ADH1B: variants seen among roughly 807,000 people sequenced by gnomAD.
ADH1B encodes the protein alcohol dehydrogenase 1B (class I), beta polypeptide.
ADH1B carries 29 observed loss-of-function variants against 34.6 expected under a neutral mutation model. The observed-to-expected ratio is 0.84, with a 90% CI of 0.62 to 1.14. ADH1B has a LOEUF of 1.14. Ranked by LOEUF, ADH1B falls within the 50% of genes most tolerant of loss-of-function variation. ADH1B has a pLI of 0.00. For synonymous variants in ADH1B, 170 were observed against 175.5 expected, an observed-to-expected ratio of 0.97 and a Z score of 0.25; for missense variants, 424 against 468.4, an observed-to-expected ratio of 0.91 and a Z score of 0.87.
chr4:99,313,983 C>A lies in ADH1B; in HGVS notation c.666G>T (p.Ala222=), dbSNP rs2018417. ...CKAAGAARII[A]VDINKDKFAK... ...CAAATTTGTCCTTGTTGATGTCCAC[C>A]GCAATGATTCTGGCTGCTCCAGCTG... Residue 222 remains alanine (A), a synonymous_variant, in exon 6 of 9, where the codon GCG becomes GCT. Transcript: ENST00000305046. The A allele has an allele frequency of 0.031, 50,064 of 1,613,964 alleles. 908 individuals carry two copies. Among genetic ancestry groups the A allele is most frequent in the African/African-American group, 0.035 (2,631 of 75,012 alleles).
intron 7 of ADH1B, 129 bp downstream of exon 7, chr4:99,311,392 T>A: frequency 1.7e-6 from 2 of 1,187,324 alleles, no homozygotes; most frequent in Non-Finnish European, 2.3e-6. Context: ...GGAATTTAAA[T>A]TTATTTTTGA....
At chr4:99,314,155 T>C (rs900197737) in intron 5 of ADH1B, 74 bp from the exon 6 acceptor site, 103 of 1,565,264 alleles carry the variant, frequency 6.6e-5, no homozygotes, top group Non-Finnish European at 8.6e-5. Context: ...TAAAGTGCCA[T>C]GCGTAGGTGT....
rs564460180 is a variant in ADH1B at position 99,311,123 on chromosome 4, T to C, written c.965-220A>G. ...GTTCTTAGTTATTTTGTCTCTCCCA[T>C]AGAAATAATAGTACAGAAGTTTATG... On this transcript the variant is annotated intron_variant, in intron 7 of 8. Coordinates refer to ENST00000305046, the MANE Select transcript of ADH1B (RefSeq NM_000668.6). 1.4e-4 allele frequency among the ~76,000 whole-genome samples: 22 copies of C among 152,300 alleles called. No homozygotes were observed. In the South Asian group the frequency reaches 4.6e-3, roughly 32 times the overall value.
intron 6 of ADH1B, 43 bp downstream of exon 6, chr4:99,313,778 A>G: frequency 1.2e-6 from 2 of 1,613,992 alleles, no homozygotes; most frequent in African/African-American, 1.3e-5. Context: ...TGCATCTTCC[A>G]GGTTGCAGAG....
intron 2 of ADH1B, 86 bp from the exon 3 acceptor site, chr4:99,318,270 C>T (rs913094099): frequency 1.3e-6 from 2 of 1,558,276 alleles, no homozygotes; most frequent in Admixed American, 3.6e-5. Flanking sequence ...AATTGTGTTT[C>T]TAAAATGTAT....
chr4:99,321,276 G>A (rs756623541), intron 1 of ADH1B, 38 bp downstream of exon 1: 224 of 1,554,058 alleles, frequency 1.4e-4, no homozygotes, highest in Non-Finnish European at 1.9e-4. Flanking sequence ...TTATATTGAT[G>A]AGAATATATT....
At chr4:99,311,845 G>T (rs1414567298) in intron 6 of ADH1B, among the ~76,000 whole-genome samples, 189 bp from the exon 7 acceptor site, 2 of 152,168 alleles carry the variant, frequency 1.3e-5, no homozygotes, top group East Asian at 1.9e-4. Context: ...CCAGAAAATG[G>T]TTTTTTAATG....
rs553809484 is a variant in ADH1B, at chr4:99,306,943, C to T, written c.*897G>A. ...TTACCAATTTTACATTCTGCATTCA[C>T]AGCATTTGCCATCCCATCTCTACAC... is the stretch of plus-strand genomic sequence containing the variant. On this transcript the variant is annotated 3_prime_UTR_variant, in exon 9 of 9. Coordinates refer to ENST00000305046, the MANE Select transcript of ADH1B (RefSeq NM_000668.6). 1 of 152,112 alleles carries T rather than the reference C, an allele frequency of 6.6e-6. No homozygotes were observed. Among genetic ancestry groups the T allele is most frequent in the Non-Finnish European group, 1.5e-5 (1 of 68,022 alleles). The allele number at this position is 152,112 out of a possible 1,614,324, so 9.4% of individuals were successfully genotyped here. A position where few individuals can be genotyped will look rare whatever the true frequency, so the allele number is the denominator to read the frequency against.
intron 6 of ADH1B, 151 bp downstream of exon 6, chr4:99,313,669 CA>C: frequency 7.0e-7 from 1 of 1,428,624 alleles, no homozygotes; most frequent in Non-Finnish European, 9.5e-7. Context: ...TTTCTCATAA[CA>C]AAAATTAAAC....
intron 2 of ADH1B, 152 bp downstream of exon 2, chr4:99,318,633 A>G (rs1733947067): frequency 2.6e-6 from 2 of 756,232 alleles, no homozygotes; most frequent in East Asian, 2.8e-5. Flanking sequence ...TTTAAAATTT[A>G]TATTTATACC....
chr4:99,308,848 G>A (rs971905058), intron 8 of ADH1B, among the ~76,000 whole-genome samples: 1 of 151,966 alleles, frequency 6.6e-6, no homozygotes, highest in African/African-American at 2.4e-5. Context: ...CTAGAAATCT[G>A]TGCATGTTTT....
Position 99,316,196 on chromosome 4 carries a change from G to A in ADH1B, c.347+19C>T. Reference sequence around the variant, plus strand: ...TGTGCAAACTCAAAGTCTGTGCAAAGAGAGCATCAGAAACCTACTCATTTT... The same window carrying A: ...TGTGCAAACTCAAAGTCTGTGCAAAAAGAGCATCAGAAACCTACTCATTTT... On this transcript the variant is annotated intron_variant, in intron 4 of 8. Coordinates refer to ENST00000305046, the MANE Select transcript of ADH1B (RefSeq NM_000668.6). 1 of 1,614,092 alleles carries A rather than the reference G, an allele frequency of 6.2e-7. No individual in the cohort carries two copies. Among genetic ancestry groups the A allele is most frequent in the Non-Finnish European group, 8.5e-7 (1 of 1,179,924 alleles).
intron 8 of ADH1B, among the ~76,000 whole-genome samples, chr4:99,309,622 T>G (rs1579507956): frequency 6.6e-6 from 1 of 152,208 alleles, no homozygotes; most frequent in Admixed American, 6.5e-5. Context: ...TAACCTTTGA[T>G]GACTACTGTT....
rs1733626996 is a variant in ADH1B at position 99,307,044 on chromosome 4, A to G, written c.*796T>C. The G allele has an allele frequency of 6.6e-6, 1 of 152,206 alleles. No homozygotes were observed. Among genetic ancestry groups the G allele is most frequent in the Admixed American group, 6.5e-5 (1 of 15,282 alleles). 9.4% of individuals were successfully genotyped at this position (152,206 alleles called of 1,614,324 possible). On this transcript the variant is annotated 3_prime_UTR_variant, in exon 9 of 9. Coordinates refer to ENST00000305046, the MANE Select transcript of ADH1B (RefSeq NM_000668.6). ...ATCTAAATAATCATTTATAGCCACA[A>G]ACTAATACTGTTTAGTCAATGAAGC... is the stretch of plus-strand genomic sequence containing the variant.
At position 99,307,785 on chromosome 4, in the gene ADH1B, T is replaced by A; in HGVS notation, c.*55A>T. ...GATATTTCCTAGCTGTTGCTCCAGATCTTGTAGGGTAGAGGAGGCTGAAGA... is the reference window on the plus strand; with the variant it reads ...GATATTTCCTAGCTGTTGCTCCAGAACTTGTAGGGTAGAGGAGGCTGAAGA... On this transcript the variant is annotated 3_prime_UTR_variant, in exon 9 of 9. Coordinates refer to ENST00000305046, the MANE Select transcript of ADH1B (RefSeq NM_000668.6). 1 of 1,591,752 alleles carries A rather than the reference T, an allele frequency of 6.3e-7. No individual in the cohort carries two copies. Among genetic ancestry groups the A allele is most frequent in the Non-Finnish European group, 8.6e-7 (1 of 1,160,134 alleles).
chr4:99,319,025 G>C, intron 1 of ADH1B, 139 bp from the exon 2 acceptor site: 1 of 918,118 alleles, frequency 1.1e-6, no homozygotes, highest in Non-Finnish European at 1.8e-6. Context: ...GAAGTACTCT[G>C]GTTTATAAAG....
At chr4:99,316,408 C>A in intron 3 of ADH1B, 106 bp from the exon 4 acceptor site, 3 of 1,152,380 alleles carry the variant, frequency 2.6e-6, no homozygotes, top group Non-Finnish European at 2.5e-6. Flanking sequence ...CTTTAAAAGT[C>A]TTTAAGGAAT....
chr4:99,313,087 C>T (rs1352826980), intron 6 of ADH1B, among the ~76,000 whole-genome samples: 3 of 150,258 alleles, frequency 2.0e-5, no homozygotes, highest in South Asian at 2.1e-4. Flanking sequence ...AGTGCAATGG[C>T]GCGATCTTGG....
chr4:99,315,682 A>G (rs1308148004), intron 5 of ADH1B: 3 of 624,508 alleles, frequency 4.8e-6, no homozygotes, highest in South Asian at 2.0e-5. Flanking sequence ...AAGAAAAATT[A>G]TTGTAAATGA....
Sources: allele counts gnomAD v4.1 joint callset (sites outside exome capture counted in the v4.1 genomes callset), GRCh38; gene constraint gnomAD v4.1.1; transcripts MANE v1.5; gene names NCBI Gene and HGNC (gene_info 2026-07-23, HGNC 2026-07-21).